The following FAM219A variants were observed in gnomAD, a reference collection of about 807,000 sequenced individuals.
FAM219A encodes the protein family with sequence similarity 219 member A.
Under a neutral mutation model 23.4 loss-of-function variants are expected in FAM219A, and 7 were observed. The ratio of observed to expected loss-of-function variants is 0.30; its 90% CI spans 0.17 to 0.56. FAM219A has a LOEUF of 0.56. Ranked by LOEUF, FAM219A falls within the 20% of genes least tolerant of loss-of-function variation. FAM219A has a pLI of 0.92. For missense variants in FAM219A, 166 were observed against 246.9 expected, an observed-to-expected ratio of 0.67 and a Z score of 2.20; for synonymous variants, 93 against 99.0, an observed-to-expected ratio of 0.94 and a Z score of 0.36.
chr9:34,438,554 C>T (rs1170310442), intron 1 of FAM219A, among the ~76,000 whole-genome samples: 1 of 152,160 alleles, frequency 6.6e-6, no homozygotes, highest in Non-Finnish European at 1.5e-5. Context: ...CTTGGAGAAC[C>T]TTTATGTCTA....
At chr9:34,443,919 G>A (rs1174960056) in intron 1 of FAM219A, among the ~76,000 whole-genome samples, 2 of 152,166 alleles carry the variant, frequency 1.3e-5, no homozygotes, top group Non-Finnish European at 2.9e-5. Flanking sequence ...TCAAATCTTG[G>A]TTCTGACTGG....
At chr9:34,405,779 G>A (rs937025030) in intron 2 of FAM219A, 86 bp downstream of exon 2, 50 of 1,307,512 alleles carry the variant, frequency 3.8e-5, no homozygotes, top group African/African-American at 1.9e-4. Context: ...AGGCTGAGCT[G>A]GTTTATTTGT....
In FAM219A at chr9:34,400,916, ACCCGGCCCTTGGCGGCCCCGC is replaced by A; in HGVS notation, c.*27_*47del. 1 of 1,485,170 alleles carries A rather than the reference ACCCGGCCCTTGGCGGCCCCGC, an allele frequency of 6.7e-7. No individual in the cohort carries two copies. The highest frequency in any genetic ancestry group is 9.0e-7 in the Non-Finnish European group (1 of 1,116,082). 92.0% of individuals were successfully genotyped at this position (1,485,170 alleles called of 1,614,324 possible). A position where few individuals can be genotyped will look rare whatever the true frequency, so the allele number is the denominator to read the frequency against. On this transcript the variant is annotated 3_prime_UTR_variant, in exon 6 of 6. Transcript: ENST00000651358. ...GAAGGGGTCGGCCTCTGCCCGTCCT[ACCCGGCCCTTGGCGGCCCCGC>A]CCCGGCGACCGCAGTGGCCCCGCCC...
chr9:34,438,092 T>TG (rs1822995338), intron 1 of FAM219A, among the ~76,000 whole-genome samples: 1 of 152,212 alleles, frequency 6.6e-6, no homozygotes, highest in African/African-American at 2.4e-5. Flanking sequence ...GAGGGTGTAC[T>TG]GGGTCCCACA....
intron 1 of FAM219A, among the ~76,000 whole-genome samples, chr9:34,413,642 C>T (rs547900612): frequency 6.6e-6 from 1 of 152,350 alleles, no homozygotes; most frequent in South Asian, 2.1e-4. Context: ...CTTCACAGAA[C>T]ACAGAAGAAT....
At chr9:34,429,635 G>C (rs570283060) in intron 1 of FAM219A, among the ~76,000 whole-genome samples, 2 of 152,176 alleles carry the variant, frequency 1.3e-5, no homozygotes, top group East Asian at 3.9e-4. Context: ...GGGCTCTGGG[G>C]GCCATGTGCA....
intron 1 of FAM219A, among the ~76,000 whole-genome samples, chr9:34,442,747 A>G (rs1330047788): frequency 6.6e-6 from 1 of 152,038 alleles, no homozygotes; most frequent in East Asian, 1.9e-4. Context: ...CCAGATTCAA[A>G]CCAACCAACC....
chr9:34,447,647 T>G (rs1823419808), intron 1 of FAM219A, among the ~76,000 whole-genome samples: 1 of 152,232 alleles, frequency 6.6e-6, no homozygotes, highest in Non-Finnish European at 1.5e-5. Context: ...TCCTTCTTGC[T>G]TCTTTGGTCA....
chr9:34,441,521 G>T (rs1283986140), intron 1 of FAM219A, among the ~76,000 whole-genome samples: 1 of 152,184 alleles, frequency 6.6e-6, no homozygotes, highest in African/African-American at 2.4e-5. Flanking sequence ...GGAAGCAAAT[G>T]ATGGTACAGG....
intron 1 of FAM219A, among the ~76,000 whole-genome samples, chr9:34,436,893 A>G (rs1325071342): frequency 6.6e-6 from 1 of 152,144 alleles, no homozygotes; most frequent in East Asian, 1.9e-4. Context: ...TATATAGAAC[A>G]CTTTGCAGCA....
chr9:34,437,743 T>C (rs1822974696), intron 1 of FAM219A, among the ~76,000 whole-genome samples: 1 of 152,246 alleles, frequency 6.6e-6, no homozygotes, highest in African/African-American at 2.4e-5. Flanking sequence ...TAAGTGCTTC[T>C]GAGAGGTGAC....
At chr9:34,438,861 G>C (rs752651531) in intron 1 of FAM219A, among the ~76,000 whole-genome samples, 1 of 152,222 alleles carries the variant, frequency 6.6e-6, no homozygotes, top group Non-Finnish European at 1.5e-5. Context: ...ACCCGCTCAG[G>C]TCCCCATCCA....
intron 1 of FAM219A, among the ~76,000 whole-genome samples, chr9:34,420,992 ATGTG>A (rs1212346431): frequency 9.3e-6 from 1 of 107,436 alleles, no homozygotes; most frequent in South Asian, 3.3e-4. Context: ...GTGTGTGTGT[ATGTG>A]TGTGTGTGTG....
intron 1 of FAM219A, among the ~76,000 whole-genome samples, chr9:34,447,876 ATT>A (rs111650721): frequency 6.2e-5 from 9 of 145,680 alleles, no homozygotes; most frequent in Admixed American, 2.1e-4. Context: ...AGTTTTCTTC[ATT>A]TTTTTTTTTT....
Position 34,458,246 on chromosome 9 carries a change from G to A in FAM219A, c.18C>T (p.Asp6=). 1 of 1,587,864 alleles carries A rather than the reference G, an allele frequency of 6.3e-7. No individual in the cohort carries two copies. Among genetic ancestry groups the A allele is most frequent in the Non-Finnish European group, 8.5e-7 (1 of 1,171,070 alleles). MMEEI[D]RFQVPTAHSE... is the part of the protein sequence containing the mutation. ...AGTGCGCGGTGGGCACCTGGAACCG[G>A]TCGATCTCCTCCATCATGGTGCCGG... Residue 6 remains aspartate, a synonymous_variant, in exon 1 of 6, where the codon GAC becomes GAT. Coordinates refer to ENST00000651358, the MANE Select transcript of FAM219A (RefSeq NM_001184940.2). This position sits in a 1 kb window ranked among gnomAD's most constrained non-coding sequence, Gnocchi z 6.6.
At chr9:34,402,669 C>T (rs559255226) in intron 3 of FAM219A, 36 bp downstream of exon 3, 69 of 1,608,520 alleles carry the variant, frequency 4.3e-5, no homozygotes, top group Non-Finnish European at 5.8e-5. Context: ...TAGGTCCTGG[C>T]TGGCAGGGTC....
chr9:34,424,775 G>A (rs997707353), intron 1 of FAM219A, among the ~76,000 whole-genome samples: 4 of 152,146 alleles, frequency 2.6e-5, no homozygotes, highest in African/African-American at 9.7e-5. Flanking sequence ...CTCAACCATG[G>A]AACCTATACT....
At chr9:34,441,600 G>T (rs983671131) in intron 1 of FAM219A, among the ~76,000 whole-genome samples, 6 of 152,210 alleles carry the variant, frequency 3.9e-5, no homozygotes, top group Admixed American at 3.9e-4. Context: ...ACCTGTGGGG[G>T]TATGAAGGCA....
At chr9:34,439,926 T>C (rs1036378778) in intron 1 of FAM219A, among the ~76,000 whole-genome samples, 15 of 152,194 alleles carry the variant, frequency 9.9e-5, no homozygotes, top group Admixed American at 9.8e-4. Flanking sequence ...CCTCTGATGT[T>C]TACTTTCATG....
Sources: gnomAD v4.1 joint callset for allele counts (sites outside exome capture counted in the v4.1 genomes callset) on GRCh38, gnomAD v4.1.1 for gene constraint, Gnocchi (gnomAD v3.1) non-coding constraint, MANE v1.5 for transcripts, NCBI Gene and HGNC (gene_info 2026-07-23, HGNC 2026-07-21) for gene names.